RGL4: variants seen among roughly 807,000 people sequenced by gnomAD.
The protein encoded by RGL4 is ral guanine nucleotide dissociation stimulator like 4.
RGL4 carries 41 observed loss-of-function variants against 49.6 expected under a neutral mutation model. That is an observed-to-expected ratio of 0.83 (90% CI 0.64 to 1.07). The LOEUF is 1.07. Among genes scored for constraint, RGL4 ranks in the 50% least tolerant of loss-of-function variants. RGL4 has a pLI of 0.00. For synonymous variants in RGL4, 255 were observed against 238.0 expected (o/e 1.07, Z -0.66); for missense variants, 610 against 591.9 (o/e 1.03, Z -0.32).
chr22:23,696,322 C>A, intron 6 of RGL4: 1 of 1,340,680 alleles, frequency 7.5e-7, no homozygotes, highest in East Asian at 3.5e-5. Context: ...CCTGGTTCTT[C>A]CTCAGAGGGA....
At chr22:23,693,659 A>C in intron 3 of RGL4, 100 bp from the exon 4 acceptor site, 28 of 951,832 alleles carry the variant, frequency 2.9e-5, no homozygotes, top group Non-Finnish European at 4.4e-5. Flanking sequence ...GGTTCCTGCC[A>C]GAGACCGTGG....
chr22:23,696,802 C>T (rs1172709333), intron 7 of RGL4, 114 bp downstream of exon 7: 1 of 881,942 alleles, frequency 1.1e-6, no homozygotes, highest in Non-Finnish European at 1.7e-6. Context: ...CCAGCCCTGT[C>T]CTCCTGTGGC....
rs1337391367 is a variant in RGL4 at position 23,693,772 on chromosome 22, AGGT to A, written c.715_717del (p.Val239del). 6.2e-7 allele frequency: 1 copy of A among 1,614,010 alleles called. No individual in the cohort carries two copies. The highest frequency in any genetic ancestry group is 8.5e-7 in the Non-Finnish European group (1 of 1,179,944). ...CCTCCCCCAAAGGAGCTGTTCAAGA[AGGT>A]GGTGCTCCACGAATGCTTGGGCTGC... On this transcript the variant is annotated inframe_deletion, in exon 4 of 11. Coordinates refer to ENST00000290691, the MANE Select transcript of RGL4 (RefSeq NM_153615.2).
rs200791089 is a variant in RGL4, at chr22:23,698,849, A to C, written c.1388A>C (p.Lys463Thr). The change falls in exon 11 of 11, where the codon AAG becomes ACG. Residue 463 changes from lysine (K) to threonine (T), a missense_variant. Coordinates refer to ENST00000290691, the MANE Select transcript of RGL4 (RefSeq NM_153615.2). ...MEQLSDKESY[K>T]LSCQLEPENP ...GCTGCTTCTCTGTCCTGCAGCTACA[A>C]GCTGTCCTGCCAGCTGGAGCCCGAA... 4.3e-6 allele frequency: 7 copies of C among 1,610,148 alleles called. No individual in the cohort carries two copies. Among genetic ancestry groups the C allele is most frequent in the Admixed American group, 1.7e-5 (1 of 59,812 alleles).
At chr22:23,696,256 G>C in intron 6 of RGL4, 2 of 1,175,018 alleles carry the variant, frequency 1.7e-6, no homozygotes, top group South Asian at 3.2e-5. Context: ...TGTAGTGCAG[G>C]CCTCACAGGG....
At chr22:23,696,158 G>A (rs1454785378) in intron 6 of RGL4, among the ~76,000 whole-genome samples, 1 of 152,200 alleles carries the variant, frequency 6.6e-6, no homozygotes, top group Non-Finnish European at 1.5e-5. Context: ...GGAGCAGAAG[G>A]AGGCGTCCTC....
chr22:23,692,746 G>A lies in RGL4; in HGVS notation c.451G>A (p.Gly151Arg). The A allele has an allele frequency of 6.2e-7, 1 of 1,613,344 alleles. No individual in the cohort carries two copies. The highest frequency in any genetic ancestry group is 8.5e-7 in the Non-Finnish European group (1 of 1,180,000). The change falls in exon 3 of 11, where the codon GGG becomes AGG. Residue 151 changes from glycine (G) to arginine (R), a missense_variant. Coordinates refer to ENST00000290691, the MANE Select transcript of RGL4 (RefSeq NM_153615.2). The stretch of plus-strand genomic sequence containing the variant: ...AGCACCACCACTGCTGGCGGACCTG[G>A]GGCCTGCTCTGGAGCCAGAGTCACC... ...EPAPPLLADL[G>R]PALEPESPAA... is the part of the protein sequence containing the mutation.
At chr22:23,695,258 T>TGGCTGCTG (rs759682468) in intron 6 of RGL4, 146 of 489,648 alleles carry the variant, frequency 3.0e-4, no homozygotes, top group Middle Eastern at 5.7e-4. Context: ...GATGTGGCAA[T>TGGCTGCTG]GGCTGCTGGG....
chr22:23,694,662 T>C (rs1923367991), intron 5 of RGL4: 1 of 597,746 alleles, frequency 1.7e-6, no homozygotes, highest in Non-Finnish European at 3.0e-6. Context: ...AGGAACAGAC[T>C]GGAGCCAACT....
Position 23,693,942 on chromosome 22 carries a change from A to G in RGL4, c.880A>G (p.Arg294Gly), listed in dbSNP as rs1923314370. Residue 294 changes from arginine (R) to glycine (G), a missense_variant, in exon 4 of 11, where the codon AGG (arginine) becomes GGG (glycine). By Grantham distance (125) the Arg-to-Gly change is moderately radical. Transcript: ENST00000290691. ...CAGCATGAGGGCCCGGGACAGGGCC[A>G]GGGTGGTGGAGCACTGGATCAAGGT... is the stretch of plus-strand genomic sequence containing the variant. ...DHSMRARDRA[R>G]VVEHWIKVAR... 6.2e-7 allele frequency: 1 copy of G among 1,613,746 alleles called. No homozygotes were observed. The highest frequency in any genetic ancestry group is 2.2e-5 in the East Asian group (1 of 44,880).
chr22:23,695,518 C>A, intron 6 of RGL4: 1 of 494,248 alleles, frequency 2.0e-6, no homozygotes. Flanking sequence ...TTGGCCTGCA[C>A]TGGGGGAGAG....
intron 3 of RGL4, chr22:23,693,249 G>T: frequency 1.6e-6 from 1 of 617,574 alleles, no homozygotes; most frequent in South Asian, 2.1e-5. Context: ...GGCAGGGCAG[G>T]TGCTCACTGT....
rs770902259 is a variant in RGL4 at position 23,692,170 on chromosome 22, G to A, written c.140G>A (p.Gly47Asp). Reference protein sequence around the residue: ...RTRVCTALLYGQVCPFQDSTD... With the variant: ...RTRVCTALLYDQVCPFQDSTD... ...AGGGTCTGTACAGCCCTGCTGTATGGCCAGGTCTGCCCCTTCCAGGACAGC... is the reference window on the plus strand; with the variant it reads ...AGGGTCTGTACAGCCCTGCTGTATGACCAGGTCTGCCCCTTCCAGGACAGC... Residue 47 changes from glycine to aspartate, a missense_variant, in exon 1 of 11, where the codon GGC becomes GAC. Coordinates refer to ENST00000290691, the MANE Select transcript of RGL4 (RefSeq NM_153615.2). 2.5e-6 allele frequency: 4 copies of A among 1,614,056 alleles called. No individual in the cohort carries two copies. The highest frequency in any genetic ancestry group is 2.2e-5 in the East Asian group (1 of 44,898).
At chr22:23,697,362 C>A in intron 8 of RGL4, 117 bp downstream of exon 8, 1 of 765,370 alleles carries the variant, frequency 1.3e-6, no homozygotes, top group Non-Finnish European at 2.2e-6. Context: ...CTAAGAGCCT[C>A]ACAGCTGCTC....
chr22:23,698,440 G>A, intron 10 of RGL4, 107 bp downstream of exon 10: 3 of 1,327,296 alleles, frequency 2.3e-6, no homozygotes, highest in Non-Finnish European at 3.2e-6. Flanking sequence ...CACCATCTCT[G>A]TTCACTGCAA....
chr22:23,692,914 C>G lies in RGL4; in HGVS notation c.619C>G (p.Gln207Glu). 1.2e-6 allele frequency: 2 copies of G among 1,613,532 alleles called. No individual in the cohort carries two copies. Among genetic ancestry groups the G allele is most frequent in the Non-Finnish European group, 1.7e-6 (2 of 1,179,998 alleles). Residue 207 changes from glutamine to glutamate, a missense_variant, in exon 3 of 11, where the codon CAA (glutamine) becomes GAA (glutamate). Physicochemically the swap from Gln to Glu is conservative, Grantham distance 29 (BLOSUM62 2). Transcript: ENST00000290691. The part of the protein sequence containing the change: ...SCPCRGSVKN[Q>E]PSEELPDMTT... ...TCCCTGTCGTGGGTCTGTAAAGAACCAACCCAGTGAGGAGCTGCCTGACAT... is the reference window on the plus strand; with the variant it reads ...TCCCTGTCGTGGGTCTGTAAAGAACGAACCCAGTGAGGAGCTGCCTGACAT...
chr22:23,699,093 T>C lies in RGL4; in HGVS notation c.*210T>C, dbSNP rs907822917. 3.9e-6 allele frequency: 6 copies of C among 1,534,996 alleles called. No individual in the cohort carries two copies. The African/African-American group carries it at 8.2e-5, about 21-fold the overall frequency. On this transcript the variant is annotated 3_prime_UTR_variant, in exon 11 of 11. Coordinates refer to ENST00000290691, the MANE Select transcript of RGL4 (RefSeq NM_153615.2). ...CTTTTGTGAGTCAGGCGGGAGACCA[T>C]TTTATGTTTATTTTCTTTAGTGTAT...
At position 23,697,252 on chromosome 22, in the gene RGL4, G is replaced by C; in HGVS notation, c.1236+7G>C. The C allele has an allele frequency of 1.2e-6, 2 of 1,611,288 alleles. No individual in the cohort carries two copies. The highest frequency in any genetic ancestry group is 1.7e-6 in the Non-Finnish European group (2 of 1,177,672). On this transcript the variant is annotated splice_region_variant and intron_variant, in intron 8 of 10. Transcript: ENST00000290691. ...CATCCCGGACGACCTGGATGTGAGT[G>C]AGCCTGGGGCAGGGTGCTTGGGAAC... is the stretch of plus-strand genomic sequence containing the variant.
intron 4 of RGL4, 134 bp from the exon 5 acceptor site, chr22:23,694,213 G>C (rs1457796854): frequency 2.6e-6 from 2 of 769,062 alleles, no homozygotes; most frequent in Admixed American, 2.2e-5. Flanking sequence ...ACATCCACTC[G>C]GCCCCAGGTC....
Sources: gnomAD v4.1 joint callset for allele counts (sites outside exome capture counted in the v4.1 genomes callset) on GRCh38, gnomAD v4.1.1 for gene constraint, MANE v1.5 for transcripts, NCBI Gene and HGNC (gene_info 2026-07-23, HGNC 2026-07-21) for gene names.